Variants in CLASP1 observed in about 807,000 individuals in gnomAD.
CLASP1 encodes cytoplasmic linker associated protein 1.
In CLASP1, 38 loss-of-function variants were observed where a neutral mutation model predicts 192.3. The ratio of observed to expected loss-of-function variants is 0.20; its 90% CI spans 0.15 to 0.26. The LOEUF is 0.26. Ranked by LOEUF, CLASP1 falls within the 10% of genes least tolerant of loss-of-function variation. The pLI is 1.00. For synonymous variants in CLASP1, 691 were observed against 712.8 expected, an observed-to-expected ratio of 0.97 and a Z score of 0.49; for missense variants, 1,433 against 1,932.5, an observed-to-expected ratio of 0.74 and a Z score of 4.85.
intron 26 of CLASP1, chr2:121,402,451 C>T (rs2076277668): frequency 2.4e-6 from 1 of 409,356 alleles, no homozygotes; most frequent in Non-Finnish European, 4.8e-6. Context: ...AAACCCTATA[C>T]CGCCTCATTT....
chr2:121,481,084 A>G, intron 8 of CLASP1, among the ~76,000 whole-genome samples: 1 of 152,202 alleles, frequency 6.6e-6, no homozygotes, highest in East Asian at 1.9e-4. Flanking sequence ...CTGGCAACCC[A>G]AAGCATCTCT....
chr2:121,610,883 CGGAGGAAGAGGAGTTACA>C (rs1329073709), intron 1 of CLASP1, among the ~76,000 whole-genome samples: 2 of 26,994 alleles, frequency 7.4e-5, no homozygotes, highest in Admixed American at 4.3e-4. Flanking sequence ...GGAGAGCTGG[CGGAGGAAGAGGAGTTACA>C]GGAGGAAGAG....
intron 1 of CLASP1, among the ~76,000 whole-genome samples, chr2:121,638,302 T>TA (rs888242326): frequency 2.9e-4 from 43 of 150,656 alleles, no homozygotes; most frequent in East Asian, 3.9e-4. Context: ...AAATAAAAAT[T>TA]AAAAAAAAAC....
At chr2:121,448,217 G>C in intron 18 of CLASP1, 59 bp downstream of exon 18, 9 of 1,476,154 alleles carry the variant, frequency 6.1e-6, no homozygotes, top group African/African-American at 4.2e-5. Context: ...GCCTCTTGCA[G>C]CTGCACGTAC....
intron 23 of CLASP1, 143 bp downstream of exon 23, chr2:121,418,478 AG>A: frequency 1.6e-6 from 1 of 636,768 alleles, no homozygotes; most frequent in Non-Finnish European, 2.8e-6. Context: ...GAGGGGGACA[AG>A]GGGTAACTAA....
At chr2:121,553,406 T>C (rs1296440116) in intron 2 of CLASP1, among the ~76,000 whole-genome samples, 3 of 152,104 alleles carry the variant, frequency 2.0e-5, no homozygotes, top group Non-Finnish European at 2.9e-5. Flanking sequence ...TACTGCACTT[T>C]TTAAAAAGAA....
At position 121,427,340 on chromosome 2, in the gene CLASP1, A is replaced by G. The variant is rs1167233947; in HGVS notation, c.2044+64T>C. 1.9e-6 allele frequency: 3 copies of G among 1,567,810 alleles called. No homozygotes were observed. In the Admixed American group the frequency reaches 5.2e-5, roughly 27 times the overall value. Reference sequence around the variant, plus strand: ...GAGAAATTAATATTGTGCAAGGAACATGGGGTCGGGGAGAATGCCAACAAC... The same window carrying G: ...GAGAAATTAATATTGTGCAAGGAACGTGGGGTCGGGGAGAATGCCAACAAC... On this transcript the variant is annotated intron_variant, in intron 21 of 39. Transcript: ENST00000263710.
intron 19 of CLASP1, 41 bp from the exon 20 acceptor site, chr2:121,430,218 G>C (rs1174934595): frequency 7.0e-7 from 1 of 1,437,570 alleles, no homozygotes; most frequent in Admixed American, 2.0e-5. Context: ...AACATTTCCA[G>C]TAAGTGCCAC....
At chr2:121,433,204 C>T (rs908788221) in intron 19 of CLASP1, among the ~76,000 whole-genome samples, 11 of 151,960 alleles carry the variant, frequency 7.2e-5, no homozygotes, top group African/African-American at 2.4e-4. Flanking sequence ...TGTCTGTAAT[C>T]CCAGCTACTT....
At chr2:121,527,384 C>T (rs989480479) in intron 5 of CLASP1, among the ~76,000 whole-genome samples, 1 of 152,192 alleles carries the variant, frequency 6.6e-6, no homozygotes, top group Non-Finnish European at 1.5e-5. Context: ...CAAAAGGTTA[C>T]ATATTGTATA....
At chr2:121,460,664 C>T (rs1200763747) in intron 11 of CLASP1, among the ~76,000 whole-genome samples, 1 of 152,054 alleles carries the variant, frequency 6.6e-6, no homozygotes, top group Admixed American at 6.6e-5. Flanking sequence ...TAAGACACAC[C>T]CTCACTTTAA....
intron 39 of CLASP1, among the ~76,000 whole-genome samples, chr2:121,345,968 A>T (rs2063403416): frequency 1.3e-5 from 2 of 152,212 alleles, no homozygotes; most frequent in South Asian, 4.1e-4. Flanking sequence ...AACAGAGCCA[A>T]GGTAGAGAAA....
intron 2 of CLASP1, among the ~76,000 whole-genome samples, chr2:121,581,702 T>C (rs1329505800): frequency 6.6e-5 from 10 of 152,052 alleles, no homozygotes; most frequent in African/African-American, 1.2e-4. Flanking sequence ...CTGGGCAACA[T>C]GGTGAGACCC....
intron 6 of CLASP1, among the ~76,000 whole-genome samples, chr2:121,524,792 G>C (rs936996124): frequency 1.3e-5 from 2 of 152,200 alleles, no homozygotes; most frequent in African/African-American, 4.8e-5. Context: ...GGCTGAAAAA[G>C]GGCGTGAGTG....
rs1234926636 is a variant in CLASP1, at chr2:121,444,100, A to G, written c.1912+3237T>C. On this transcript the variant is annotated intron_variant, in intron 19 of 39. Transcript: ENST00000263710. ...TACTTAAAGCATTTTCATGCATTCTATCTAGCAAAGGAATGATATTGCCTT... is the reference window on the plus strand; with the variant it reads ...TACTTAAAGCATTTTCATGCATTCTGTCTAGCAAAGGAATGATATTGCCTT... Among the ~76,000 whole-genome samples the G allele has an allele frequency of 2.6e-5, 4 of 152,336 alleles. No individual in the cohort carries two copies. In the East Asian group the frequency reaches 7.7e-4, roughly 29 times the overall value.
At chr2:121,365,915 T>C (rs1290740844) in intron 35 of CLASP1, among the ~76,000 whole-genome samples, 1 of 152,244 alleles carries the variant, frequency 6.6e-6, no homozygotes, top group Non-Finnish European at 1.5e-5. Flanking sequence ...ACGGTTTCTA[T>C]GGCAGAAAGG....
chr2:121,535,839 T>A (rs1292941185), intron 2 of CLASP1, among the ~76,000 whole-genome samples: 1 of 151,860 alleles, frequency 6.6e-6, no homozygotes, highest in Non-Finnish European at 1.5e-5. Flanking sequence ...TTTTTTGAGC[T>A]TTTGTAGAGG....
At chr2:121,641,352 G>A (rs1227190540) in intron 1 of CLASP1, among the ~76,000 whole-genome samples, 3 of 150,692 alleles carry the variant, frequency 2.0e-5, no homozygotes. Flanking sequence ...AAAAAAACAG[G>A]TATCGCCCAC....
At chr2:121,520,397 G>A (rs558491835) in intron 6 of CLASP1, among the ~76,000 whole-genome samples, 2 of 152,280 alleles carry the variant, frequency 1.3e-5, no homozygotes, top group African/African-American at 4.8e-5. Context: ...GTGCCTTGGA[G>A]CGTGGGTACC....
Sources: allele counts gnomAD v4.1 joint callset (sites outside exome capture counted in the v4.1 genomes callset), GRCh38; gene constraint gnomAD v4.1.1; transcripts MANE v1.5; gene names NCBI Gene and HGNC (gene_info 2026-07-23, HGNC 2026-07-21).